CCDC60: variants seen among roughly 807,000 people sequenced by gnomAD.
CCDC60 encodes the protein coiled-coil domain containing 60.
In CCDC60, 54 loss-of-function variants were observed where a neutral mutation model predicts 63.5. That is an observed-to-expected ratio of 0.85 (90% CI 0.68 to 1.07). CCDC60 has a LOEUF of 1.07. Ranked by LOEUF, CCDC60 falls within the 50% of genes least tolerant of loss-of-function variation. CCDC60 has a pLI of 0.00. For missense variants in CCDC60, 651 were observed against 684.3 expected, an observed-to-expected ratio of 0.95 and a Z score of 0.54; for synonymous variants, 206 against 238.8, an observed-to-expected ratio of 0.86 and a Z score of 1.27.
Position 119,456,001 on chromosome 12 carries a change from GAGAAAGAAAGAA to G in CCDC60, c.171-15942_171-15931del, listed in dbSNP as rs753618585. 8.1e-3 allele frequency among the ~76,000 whole-genome samples: 416 copies of G among 51,100 alleles called. 7 individuals carry two copies. Among genetic ancestry groups the G allele is most frequent in the Non-Finnish European group, 0.012 (340 of 29,366 alleles). 33.5% of individuals were successfully genotyped at this position (51,100 alleles called of 152,430 possible). ...AGGGAGAGAGAAAGAGAGAGAGAAA[GAGAAAGAAAGAA>G]AGAAAGAAAGAAAGAAAGAAAGAAA... On this transcript the variant is annotated intron_variant, in intron 2 of 13. Coordinates refer to ENST00000327554, the MANE Select transcript of CCDC60 (RefSeq NM_178499.5). This position sits in a 1 kb window ranked among gnomAD's most constrained non-coding sequence, Gnocchi z 4.6.
chr12:119,391,803 T>A (rs1283998889), intron 1 of CCDC60, among the ~76,000 whole-genome samples: 1 of 152,244 alleles, frequency 6.6e-6, no homozygotes, highest in African/African-American at 2.4e-5. Flanking sequence ...TATCTTTTTC[T>A]TCCTTCTGAG....
intron 1 of CCDC60, among the ~76,000 whole-genome samples, chr12:119,380,812 G>A (rs1249330058): frequency 2.0e-5 from 3 of 152,192 alleles, no homozygotes; most frequent in African/African-American, 7.2e-5. Context: ...GTGCCTAGCT[G>A]TAATTGAATA....
chr12:119,360,135 C>T (rs1345391398), intron 1 of CCDC60, among the ~76,000 whole-genome samples: 37 of 150,782 alleles, frequency 2.5e-4, no homozygotes, highest in African/African-American at 8.3e-4. Context: ...CCTCACCTCC[C>T]GGACGGGGCG....
rs545414982 is a variant in CCDC60, at chr12:119,497,892, C to T, written c.558-2186C>T. On this transcript the variant is annotated intron_variant, in intron 5 of 13. Transcript: ENST00000327554. ...TTAAATATCCCCTAATTTGATTACT[C>T]GGGGGAGAGGCAGGCAGAACCAACT... is the stretch of plus-strand genomic sequence containing the variant. Among the ~76,000 whole-genome samples the T allele has an allele frequency of 5.9e-5, 9 of 152,268 alleles. No individual in the cohort carries two copies. In the South Asian group the frequency reaches 1.2e-3, roughly 21 times the overall value.
At chr12:119,339,364 C>A (rs1444190819) in intron 1 of CCDC60, among the ~76,000 whole-genome samples, 1 of 152,198 alleles carries the variant, frequency 6.6e-6, no homozygotes, top group African/African-American at 2.4e-5. Context: ...CTCTTAGTGT[C>A]TGAACTTTCC....
At chr12:119,354,112 TTC>T (rs368379448) in intron 1 of CCDC60, among the ~76,000 whole-genome samples, 9 of 151,674 alleles carry the variant, frequency 5.9e-5, no homozygotes, top group East Asian at 1.9e-4. Flanking sequence ...TCTTCTCCAT[TTC>T]TCTCTCTCTC....
At chr12:119,419,120 C>G (rs1000517051) in intron 1 of CCDC60, among the ~76,000 whole-genome samples, 1 of 152,232 alleles carries the variant, frequency 6.6e-6, no homozygotes, top group African/African-American at 2.4e-5. Flanking sequence ...GTTGCATTGG[C>G]TGGACTCTGT....
At position 119,431,042 on chromosome 12, in the gene CCDC60, C is replaced by T. The variant is rs141034297; in HGVS notation, c.170+2280C>T. Among the ~76,000 whole-genome samples the T allele has an allele frequency of 4.1e-3, 631 of 152,292 alleles. 24 individuals are homozygous for T. In the South Asian group the frequency reaches 0.11, roughly 28 times the overall value. On this transcript the variant is annotated intron_variant, in intron 2 of 13. Transcript: ENST00000327554. Reference sequence around the variant, plus strand: ...GAGGGCCTAGAGCCACAAGGATCCTCTGTTAGTTTCAGACATACTGGCCTC... The same window carrying T: ...GAGGGCCTAGAGCCACAAGGATCCTTTGTTAGTTTCAGACATACTGGCCTC...
chr12:119,374,780 C>G (rs1439132451), intron 1 of CCDC60, among the ~76,000 whole-genome samples: 3 of 152,112 alleles, frequency 2.0e-5, no homozygotes, highest in Non-Finnish European at 4.4e-5. Flanking sequence ...GGGAAAGGGG[C>G]AGGCAATTCC....
chr12:119,501,656 G>A (rs569076348), intron 6 of CCDC60, among the ~76,000 whole-genome samples: 1 of 152,250 alleles, frequency 6.6e-6, no homozygotes, highest in South Asian at 2.1e-4. Flanking sequence ...TTGCTATGGA[G>A]ATACAGTGTG....
At chr12:119,523,512 G>T (rs555815297) in intron 10 of CCDC60, among the ~76,000 whole-genome samples, 181 bp from the exon 11 acceptor site, 2 of 152,326 alleles carry the variant, frequency 1.3e-5, no homozygotes, top group South Asian at 4.1e-4. Flanking sequence ...GGGAAGATCT[G>T]TCCTTTCTAC....
At chr12:119,418,382 C>CTTTGTTTTTTTTTTTT (rs1202154024) in intron 1 of CCDC60, among the ~76,000 whole-genome samples, 1 of 60,726 alleles carries the variant, frequency 1.6e-5, no homozygotes, top group Non-Finnish European at 3.7e-5. Context: ...CCTTTTCTTT[C>CTTTGTTTTTTTTTTTT]TTTCTTTTTT....
chr12:119,365,522 G>A (rs1955832224), intron 1 of CCDC60, among the ~76,000 whole-genome samples: 1 of 152,186 alleles, frequency 6.6e-6, no homozygotes, highest in Non-Finnish European at 1.5e-5. Flanking sequence ...GTGTGTGTGT[G>A]TGTTTTGTTT....
At chr12:119,418,131 T>C (rs763396741) in intron 1 of CCDC60, among the ~76,000 whole-genome samples, 96 of 151,350 alleles carry the variant, frequency 6.3e-4, no homozygotes, top group South Asian at 1.9e-3. Flanking sequence ...CATGTTTCCA[T>C]ATTTTTCATA....
At chr12:119,485,223 C>A (rs1566035744) in intron 4 of CCDC60, among the ~76,000 whole-genome samples, 1 of 152,238 alleles carries the variant, frequency 6.6e-6, no homozygotes, top group African/African-American at 2.4e-5. Flanking sequence ...AGTAATTTGG[C>A]CAAGGCCACA....
intron 1 of CCDC60, among the ~76,000 whole-genome samples, chr12:119,406,500 T>C (rs916721583): frequency 7.9e-5 from 12 of 152,190 alleles, no homozygotes; most frequent in Non-Finnish European, 2.9e-5. Flanking sequence ...TGTTTGGCAT[T>C]GTGCCTGAAA....
At chr12:119,403,126 A>T (rs1415027855) in intron 1 of CCDC60, among the ~76,000 whole-genome samples, 1 of 152,208 alleles carries the variant, frequency 6.6e-6, no homozygotes, top group Non-Finnish European at 1.5e-5. Context: ...CTAGGCTCAC[A>T]TTCTTCCATG....
At chr12:119,533,285 T>A (rs558573337) in intron 13 of CCDC60, among the ~76,000 whole-genome samples, 2 of 152,194 alleles carry the variant, frequency 1.3e-5, no homozygotes, top group Admixed American at 1.3e-4. Flanking sequence ...TTCTTCTAAA[T>A]TTGTTTAAGT....
At chr12:119,431,194 C>T (rs202164188) in intron 2 of CCDC60, among the ~76,000 whole-genome samples, 15 of 152,160 alleles carry the variant, frequency 9.9e-5, no homozygotes, top group Non-Finnish European at 1.9e-4. Flanking sequence ...GAGTAATTCA[C>T]GCAGAGCCGG....
Sources: allele counts gnomAD v4.1 joint callset (sites outside exome capture counted in the v4.1 genomes callset), GRCh38; gene constraint gnomAD v4.1.1; non-coding constraint Gnocchi (gnomAD v3.1); transcripts MANE v1.5; gene names NCBI Gene and HGNC (gene_info 2026-07-23, HGNC 2026-07-21).